Variants in BABAM2 observed in about 807,000 individuals in gnomAD.
BABAM2 encodes BRISC and BRCA1-A complex member 2.
A neutral mutation model predicts 54.7 loss-of-function variants in BABAM2; 31 were observed. That is an observed-to-expected ratio of 0.57 (90% confidence interval 0.43 to 0.77). The LOEUF is 0.77. Ranked by LOEUF, BABAM2 falls within the 30% of genes least tolerant of loss-of-function variation. The pLI, the probability that BABAM2 is intolerant of heterozygous loss-of-function variation, is 0.00. For missense variants in BABAM2, 364 were observed against 455.8 expected (o/e 0.80, Z 1.83); for synonymous variants, 167 against 162.9 (o/e 1.03, Z -0.19).
At chr2:28,306,668 T>C (rs1688547365) in intron 11 of BABAM2, among the ~76,000 whole-genome samples, 1 of 152,074 alleles carries the variant, frequency 6.6e-6, no homozygotes. Context: ...TGTCTGCCTT[T>C]TAATTGGAGT....
chr2:27,915,956 C>T (rs1406912626), intron 2 of BABAM2, among the ~76,000 whole-genome samples: 1 of 152,148 alleles, frequency 6.6e-6, no homozygotes. Context: ...TTTCCATATT[C>T]ATTCAAATTT....
At chr2:28,176,711 G>A (rs1675028807) in intron 7 of BABAM2, among the ~76,000 whole-genome samples, 1 of 150,316 alleles carries the variant, frequency 6.7e-6, no homozygotes, top group Non-Finnish European at 1.5e-5. Context: ...AGAACCAAAT[G>A]GAAATTCTGA....
chr2:28,008,097 T>C (rs1270176603), intron 4 of BABAM2, among the ~76,000 whole-genome samples: 1 of 152,194 alleles, frequency 6.6e-6, no homozygotes, highest in Non-Finnish European at 1.5e-5. Context: ...ATACTGTTCC[T>C]GTCCTCCCAT....
chr2:27,905,953 T>C (rs1473366799), intron 2 of BABAM2, among the ~76,000 whole-genome samples: 1 of 152,252 alleles, frequency 6.6e-6, no homozygotes, highest in African/African-American at 2.4e-5. Context: ...CCAGCTGTTT[T>C]AGCAGATAGA....
intron 11 of BABAM2, among the ~76,000 whole-genome samples, chr2:28,314,617 T>C (rs1689356156): frequency 6.6e-6 from 1 of 152,350 alleles, no homozygotes; most frequent in African/African-American, 2.4e-5. Context: ...CAGATGTTTA[T>C]TGAATTCAAA....
intron 6 of BABAM2, among the ~76,000 whole-genome samples, chr2:28,087,632 T>C (rs959702461): frequency 6.6e-6 from 1 of 151,968 alleles, no homozygotes; most frequent in African/African-American, 2.4e-5. Flanking sequence ...TATTTTACCT[T>C]TGGGGGCTTC....
At chr2:28,151,589 G>T (rs1672042384) in intron 7 of BABAM2, among the ~76,000 whole-genome samples, 1 of 151,904 alleles carries the variant, frequency 6.6e-6, no homozygotes, top group Non-Finnish European at 1.5e-5. Context: ...AAAAAGAAAA[G>T]AAAAGAAAAG....
At chr2:28,062,641 C>T (rs766672583) in intron 6 of BABAM2, among the ~76,000 whole-genome samples, 31 of 151,676 alleles carry the variant, frequency 2.0e-4, no homozygotes, top group Non-Finnish European at 3.7e-4. Context: ...GCATTATCAG[C>T]AATGATACTT....
intron 7 of BABAM2, among the ~76,000 whole-genome samples, chr2:28,141,850 TG>T (rs905869950): frequency 6.6e-6 from 1 of 152,168 alleles, no homozygotes; most frequent in South Asian, 2.1e-4. Context: ...TCAATGTGGA[TG>T]GGGGGTATGT....
At chr2:28,254,595 A>G (rs1217051481) in intron 10 of BABAM2, among the ~76,000 whole-genome samples, 1 of 151,944 alleles carries the variant, frequency 6.6e-6, no homozygotes, top group Non-Finnish European at 1.5e-5. Flanking sequence ...TATCACCCAT[A>G]TCGCAGTTTG....
chr2:28,101,193 T>C (rs779215143), intron 6 of BABAM2, among the ~76,000 whole-genome samples: 19 of 152,194 alleles, frequency 1.2e-4, no homozygotes, highest in Non-Finnish European at 2.1e-4. Flanking sequence ...CAGTAAGCGA[T>C]GAAGCTATGA....
intron 3 of BABAM2, among the ~76,000 whole-genome samples, chr2:27,955,062 G>T (rs1669991174): frequency 6.6e-6 from 1 of 152,122 alleles, no homozygotes; most frequent in Non-Finnish European, 1.5e-5. Flanking sequence ...AAAAAGCTTT[G>T]TACAAGATTT....
intron 11 of BABAM2, among the ~76,000 whole-genome samples, chr2:28,303,632 GT>G (rs1688279666): frequency 6.6e-6 from 1 of 152,034 alleles, no homozygotes; most frequent in Admixed American, 6.5e-5. Flanking sequence ...TTTAAAGATT[GT>G]TTTGGCTATT....
intron 6 of BABAM2, among the ~76,000 whole-genome samples, chr2:28,061,294 A>G (rs981502796): frequency 6.6e-6 from 1 of 152,108 alleles, no homozygotes; most frequent in African/African-American, 2.4e-5. Flanking sequence ...TTTAAAAAAA[A>G]AAGAGAAAAG....
At chr2:27,986,709 G>A (rs1672421431) in intron 3 of BABAM2, among the ~76,000 whole-genome samples, 1 of 152,084 alleles carries the variant, frequency 6.6e-6, no homozygotes, top group African/African-American at 2.4e-5. Context: ...AAGTTTAAAT[G>A]TTTACATTTG....
Position 28,335,154 on chromosome 2 carries a change from C to CTTTTT in BABAM2, c.1089-3273_1089-3269dup, listed in dbSNP as rs56135926. Among the ~76,000 whole-genome samples, 27 of 71,516 alleles carry CTTTTT rather than the reference C, an allele frequency of 3.8e-4. 2 individuals are homozygous for CTTTTT. Among genetic ancestry groups the CTTTTT allele is most frequent in the African/African-American group, 1.4e-3 (23 of 16,462 alleles). The allele number at this position is 71,516 out of a possible 152,430, so 46.9% of individuals were successfully genotyped here. A position where few individuals can be genotyped will look rare whatever the true frequency, so the allele number is the denominator to read the frequency against. On this transcript the variant is annotated intron_variant, in intron 11 of 11. Coordinates refer to ENST00000379624, the MANE Select transcript of BABAM2 (RefSeq NM_199191.3). The stretch of plus-strand genomic sequence containing the variant: ...CTGGAGCTGCTGTCTCTCCCACCTT[C>CTTTTT]TTTTTTTTTTTTTTTTTTTTTTTTT...
intron 6 of BABAM2, among the ~76,000 whole-genome samples, chr2:28,128,745 C>T (rs1472661666): frequency 6.6e-6 from 1 of 152,094 alleles, no homozygotes; most frequent in Non-Finnish European, 1.5e-5. Flanking sequence ...TATGAATCAT[C>T]CATTATCATT....
intron 5 of BABAM2, among the ~76,000 whole-genome samples, chr2:28,026,780 A>ATATAAATATATATTTATATATAAAAAT (rs1675708641): frequency 1.1e-5 from 1 of 90,864 alleles, no homozygotes; most frequent in African/African-American, 4.5e-5. Flanking sequence ...TATATAAAAA[A>ATATAAATATATATTTATATATAAAAAT]ATATAAATAT....
At chr2:28,068,406 A>G (rs1663816604) in intron 6 of BABAM2, among the ~76,000 whole-genome samples, 1 of 152,204 alleles carries the variant, frequency 6.6e-6, no homozygotes, top group African/African-American at 2.4e-5. Flanking sequence ...TTAAGAATAC[A>G]TAAAATACTG....
Sources: allele counts gnomAD v4.1 joint callset (sites outside exome capture counted in the v4.1 genomes callset), GRCh38; gene constraint gnomAD v4.1.1; transcripts MANE v1.5; gene names NCBI Gene and HGNC (gene_info 2026-07-23, HGNC 2026-07-21).